The following TNIP3 variants were observed in gnomAD, a reference collection of about 807,000 sequenced individuals.
TNIP3 encodes TNFAIP3-interacting protein 3.
A neutral mutation model predicts 54.1 loss-of-function variants in TNIP3; 34 were observed. The observed-to-expected ratio is 0.63, with a 90% confidence interval of 0.48 to 0.84. The LOEUF (loss-of-function observed/expected upper bound fraction) is 0.84. TNIP3 is among the 40% of genes least tolerant of loss of function. TNIP3 has a pLI of 0.00. For missense variants in TNIP3, 366 were observed against 387.6 expected, an observed-to-expected ratio of 0.94 and a Z score of 0.47; for synonymous variants, 134 against 136.8, an observed-to-expected ratio of 0.98 and a Z score of 0.14.
chr4:121,178,517 G>T (rs1242435428), intron 3 of TNIP3, among the ~76,000 whole-genome samples: 4 of 152,216 alleles, frequency 2.6e-5, no homozygotes, highest in African/African-American at 9.6e-5. Context: ...TTGGCACAGT[G>T]AGTGGTACCC....
chr4:121,181,420 G>T (rs892976710), intron 3 of TNIP3, among the ~76,000 whole-genome samples: 5 of 152,080 alleles, frequency 3.3e-5, no homozygotes, highest in African/African-American at 7.2e-5. Context: ...GAAGAAAGAG[G>T]CCTTATTTGA....
intron 2 of TNIP3, among the ~76,000 whole-genome samples, chr4:121,187,565 C>T (rs577439717): frequency 6.6e-6 from 1 of 152,266 alleles, no homozygotes; most frequent in African/African-American, 2.4e-5. Flanking sequence ...GAGGGCTATG[C>T]TATTTCCAAA....
upstream of TNIP3, among the ~76,000 whole-genome samples, chr4:121,219,802 GC>G (rs1224985094): frequency 6.6e-6 from 1 of 152,126 alleles, no homozygotes; most frequent in Non-Finnish European, 1.5e-5. Flanking sequence ...ACAATCAAAT[GC>G]ATGAAAACTT....
chr4:121,182,878 A>T (rs1361360320), intron 2 of TNIP3: 2 of 1,378,400 alleles, frequency 1.5e-6, no homozygotes, highest in South Asian at 1.3e-5. Context: ...TATGGATGAC[A>T]TGGAGGTGTT....
intron 10 of TNIP3, among the ~76,000 whole-genome samples, chr4:121,134,532 T>G (rs1281321776): frequency 1.3e-5 from 2 of 152,236 alleles, no homozygotes; most frequent in Non-Finnish European, 2.9e-5. Context: ...AAAACATCAT[T>G]ATTTAATGCT....
chr4:121,182,586 A>C, intron 3 of TNIP3: 1 of 1,437,994 alleles, frequency 7.0e-7, no homozygotes, highest in Non-Finnish European at 9.3e-7. Flanking sequence ...CTGACGGTAA[A>C]TGACTTGGGG....
intron 7 of TNIP3, 32 bp downstream of exon 7, chr4:121,147,017 G>T (rs774806081): frequency 1.9e-6 from 3 of 1,583,088 alleles, no homozygotes; most frequent in South Asian, 1.2e-5. Context: ...ATACATACAT[G>T]CTGGCAAAGA....
intron 2 of TNIP3, among the ~76,000 whole-genome samples, chr4:121,186,168 T>C (rs1256371655): frequency 6.6e-6 from 1 of 152,178 alleles, no homozygotes; most frequent in Non-Finnish European, 1.5e-5. Flanking sequence ...CTTCAGCCAC[T>C]GCAGAAAGAG....
intron 3 of TNIP3, among the ~76,000 whole-genome samples, chr4:121,173,782 C>T (rs756883661): frequency 3.3e-5 from 5 of 152,116 alleles, no homozygotes; most frequent in Non-Finnish European, 5.9e-5. Context: ...GTGTGTGTCA[C>T]CATGCCCAGC....
intron 9 of TNIP3, 46 bp downstream of exon 9, chr4:121,141,770 A>G (rs1579373616): frequency 7.8e-7 from 1 of 1,280,186 alleles, no homozygotes; most frequent in Non-Finnish European, 1.1e-6. Context: ...CATAATTTCT[A>G]CCAAAACAGT....
At chr4:121,174,229 A>G (rs1045447654) in intron 3 of TNIP3, among the ~76,000 whole-genome samples, 3 of 152,128 alleles carry the variant, frequency 2.0e-5, no homozygotes, top group African/African-American at 7.2e-5. Context: ...ATTTTTAAAT[A>G]CCAAAAGTTA....
Position 121,159,688 on chromosome 4 carries a change from G to A in TNIP3, c.148-936C>T, listed in dbSNP as rs142312875. On this transcript the variant is annotated intron_variant, in intron 2 of 10. Coordinates refer to ENST00000057513, the MANE Select transcript of TNIP3 (RefSeq NM_024873.6). ...TAGATTTTCAAGAAATTATAGTTTC[G>A]TCATAGGACAATATTTAGATGCATT... Among the ~76,000 whole-genome samples, 82 of 152,274 alleles carry A rather than the reference G, an allele frequency of 5.4e-4. No individual in the cohort carries two copies. In the East Asian group the frequency reaches 0.013, roughly 24 times the overall value.
chr4:121,140,072 A>T (rs1328579780), intron 9 of TNIP3, among the ~76,000 whole-genome samples: 32 of 152,158 alleles, frequency 2.1e-4, no homozygotes, highest in Non-Finnish European at 2.9e-5. Context: ...GCAGTGGCTC[A>T]TGCCTGTAAT....
At chr4:121,149,235 G>A (rs914349292) in intron 6 of TNIP3, among the ~76,000 whole-genome samples, 13 of 152,312 alleles carry the variant, frequency 8.5e-5, no homozygotes, top group African/African-American at 2.4e-4. Context: ...GCAATAGCGC[G>A]TGAGGTTAGG....
upstream of TNIP3, chr4:121,164,333 C>A (rs917346119): frequency 1.0e-5 from 14 of 1,341,272 alleles, no homozygotes; most frequent in Non-Finnish European, 1.3e-5. Context: ...AAGTTATAAG[C>A]ACTGCAACTG....
chr4:121,153,766 T>G (rs1729905677), intron 5 of TNIP3, among the ~76,000 whole-genome samples: 1 of 152,174 alleles, frequency 6.6e-6, no homozygotes, highest in African/African-American at 2.4e-5. Context: ...AATACAGGGT[T>G]TGAGCACCTG....
chr4:121,180,143 G>A (rs143346486), intron 3 of TNIP3, among the ~76,000 whole-genome samples: 201 of 152,278 alleles, frequency 1.3e-3, no homozygotes, highest in Middle Eastern at 3.4e-3. Flanking sequence ...GCTCACGCCT[G>A]TAATCCCAAC....
chr4:121,149,339 A>G (rs1315374113), intron 6 of TNIP3, among the ~76,000 whole-genome samples: 1 of 152,234 alleles, frequency 6.6e-6, no homozygotes, highest in Non-Finnish European at 1.5e-5. Flanking sequence ...TTCAGTGATT[A>G]TAATAAGTAC....
At chr4:121,203,251 A>G (rs1009162191) in intron 2 of TNIP3, among the ~76,000 whole-genome samples, 2 of 151,920 alleles carry the variant, frequency 1.3e-5, no homozygotes, top group African/African-American at 4.8e-5. Context: ...ATAGATAGAT[A>G]GATAGATAGA....
Sources: gnomAD v4.1 joint callset for allele counts (sites outside exome capture counted in the v4.1 genomes callset) on GRCh38, gnomAD v4.1.1 for gene constraint, MANE v1.5 for transcripts, NCBI Gene and HGNC (gene_info 2026-07-23, HGNC 2026-07-21) for gene names.